TMEM117: variants seen among roughly 807,000 people sequenced by gnomAD.
TMEM117 encodes the protein transmembrane protein 117.
A neutral mutation model predicts 52.4 loss-of-function variants in TMEM117; 27 were observed. The ratio of observed to expected loss-of-function variants is 0.51; its 90% CI spans 0.38 to 0.71. The LOEUF is 0.71. Ranked by LOEUF, TMEM117 falls within the 30% of genes least tolerant of loss-of-function variation. The probability of loss-of-function intolerance (pLI) is 0.00; values close to 1 mark genes in which losing one functional copy is unlikely to be tolerated. For missense variants in TMEM117, 556 were observed against 630.5 expected, an observed-to-expected ratio of 0.88 and a Z score of 1.26; for synonymous variants, 215 against 206.3, an observed-to-expected ratio of 1.04 and a Z score of -0.36.
chr12:44,383,735 G>T (rs956771405), intron 7 of TMEM117, among the ~76,000 whole-genome samples: 1 of 151,962 alleles, frequency 6.6e-6, no homozygotes, highest in Non-Finnish European at 1.5e-5. Flanking sequence ...TTGGGAAAAT[G>T]GCTATAGAAG....
At chr12:43,918,660 A>T (rs958931918) in intron 2 of TMEM117, among the ~76,000 whole-genome samples, 6 of 152,204 alleles carry the variant, frequency 3.9e-5, no homozygotes, top group African/African-American at 1.2e-4. Flanking sequence ...TCCTTCGTAC[A>T]GACGCTTCCA....
At chr12:44,073,004 C>T (rs530404974) in intron 3 of TMEM117, among the ~76,000 whole-genome samples, 3 of 151,952 alleles carry the variant, frequency 2.0e-5, no homozygotes, top group Non-Finnish European at 2.9e-5. Context: ...GCAGGAGAAT[C>T]GTTTGAACCC....
Position 43,953,268 on chromosome 12 carries a change from A to G in TMEM117, c.410+8926A>G, listed in dbSNP as rs1945253758. Among the ~76,000 whole-genome samples the G allele has an allele frequency of 2.6e-5, 4 of 152,182 alleles. No individual in the cohort carries two copies. In the South Asian group the frequency reaches 8.3e-4, roughly 32 times the overall value. ...AAGTCTGCAAAATTAACCAGCCACCATCATGATGACAGGATCAAATTCATA... is the reference window on the plus strand; with the variant it reads ...AAGTCTGCAAAATTAACCAGCCACCGTCATGATGACAGGATCAAATTCATA... On this transcript the variant is annotated intron_variant, in intron 3 of 7. Transcript: ENST00000266534.
chr12:43,877,475 A>G (rs1307296716), intron 2 of TMEM117, among the ~76,000 whole-genome samples: 1 of 151,846 alleles, frequency 6.6e-6, no homozygotes, highest in South Asian at 2.1e-4. Context: ...CTCTACTAAA[A>G]ATACAAAAAA....
At chr12:44,102,261 C>T (rs113939003) in intron 3 of TMEM117, among the ~76,000 whole-genome samples, 3 of 152,102 alleles carry the variant, frequency 2.0e-5, no homozygotes, top group African/African-American at 7.2e-5. Flanking sequence ...ACATTTCCCA[C>T]ATTAAGGGAA....
At chr12:43,995,420 T>C (rs1946012218) in intron 3 of TMEM117, among the ~76,000 whole-genome samples, 1 of 152,218 alleles carries the variant, frequency 6.6e-6, no homozygotes, top group East Asian at 1.9e-4. Context: ...GATGCCTTAG[T>C]GTTTACACAG....
intron 2 of TMEM117, among the ~76,000 whole-genome samples, chr12:43,875,313 G>A (rs1478754691): frequency 6.6e-6 from 1 of 152,054 alleles, no homozygotes; most frequent in Non-Finnish European, 1.5e-5. Flanking sequence ...CTAAAGGTGT[G>A]CCGGGAGCCA....
At chr12:43,811,033 A>C in the TMEM117 span, among the ~76,000 whole-genome samples, 12 of 152,220 alleles carry the variant, frequency 7.9e-5, no homozygotes, top group Non-Finnish European at 1.5e-5. Flanking sequence ...GTAATGCTTT[A>C]ATGATAGTTT....
rs147199016 is a variant in TMEM117 at position 44,126,398 on chromosome 12, C to T, written c.411-17127C>T. On this transcript the variant is annotated intron_variant, in intron 3 of 7. Coordinates refer to ENST00000266534, the MANE Select transcript of TMEM117 (RefSeq NM_032256.3). ...TTCCAATTCTTCTTCACTCATTTAA[C>T]TCTATAAGGTGGAATTTCTCTCCCT... 2.2e-3 allele frequency among the ~76,000 whole-genome samples: 341 copies of T among 152,296 alleles called. 1 individual carries two copies. Among genetic ancestry groups the T allele is most frequent in the Admixed American group, 2.7e-3 (41 of 15,302 alleles).
chr12:44,330,741 T>G (rs1044404121), intron 6 of TMEM117, among the ~76,000 whole-genome samples: 29 of 152,006 alleles, frequency 1.9e-4, no homozygotes, highest in Admixed American at 1.8e-3. Flanking sequence ...AATGATCATA[T>G]GTGATTTGCA....
At chr12:43,973,726 A>G (rs1945628306) in intron 3 of TMEM117, among the ~76,000 whole-genome samples, 6 of 152,194 alleles carry the variant, frequency 3.9e-5, no homozygotes, top group Admixed American at 3.9e-4. Flanking sequence ...TGCTACAGCA[A>G]TTTGGGGTTC....
chr12:44,360,497 G>T (rs536611714), intron 6 of TMEM117, among the ~76,000 whole-genome samples: 1 of 151,646 alleles, frequency 6.6e-6, no homozygotes, highest in African/African-American at 2.4e-5. Context: ...AACTCCAGGG[G>T]TGAAGGTTGC....
chr12:44,241,270 A>G (rs1302608004), intron 5 of TMEM117, among the ~76,000 whole-genome samples: 2 of 151,320 alleles, frequency 1.3e-5, no homozygotes, highest in African/African-American at 4.9e-5. Flanking sequence ...AATTGTATCC[A>G]CAGATGTGGA....
intron 2 of TMEM117, among the ~76,000 whole-genome samples, chr12:43,884,973 C>T (rs892545379): frequency 7.9e-5 from 12 of 152,192 alleles, no homozygotes; most frequent in Non-Finnish European, 8.8e-5. Flanking sequence ...GCCCATGGCA[C>T]GCTCGCAACG....
intron 5 of TMEM117, among the ~76,000 whole-genome samples, chr12:44,253,022 TCTAA>T (rs1013129377): frequency 1.3e-5 from 2 of 152,194 alleles, no homozygotes; most frequent in African/African-American, 4.8e-5. Flanking sequence ...AAAGCAACCC[TCTAA>T]CTAAGAAATA....
intron 7 of TMEM117, among the ~76,000 whole-genome samples, chr12:44,384,681 C>T (rs1952064795): frequency 6.6e-6 from 1 of 152,076 alleles, no homozygotes. Flanking sequence ...TTTAGTAATG[C>T]ATACTGTTTT....
chr12:44,372,405 A>G (rs1469040636), intron 6 of TMEM117, among the ~76,000 whole-genome samples: 2 of 152,186 alleles, frequency 1.3e-5, no homozygotes, highest in Non-Finnish European at 2.9e-5. Flanking sequence ...AAAACTGGCT[A>G]TACATCCATA....
intron 2 of TMEM117, among the ~76,000 whole-genome samples, chr12:43,858,728 C>A (rs1049756246): frequency 6.6e-6 from 1 of 152,268 alleles, no homozygotes; most frequent in Non-Finnish European, 1.5e-5. Flanking sequence ...TACACACAAA[C>A]CTGAGAGAGT....
intron 1 of TMEM117, among the ~76,000 whole-genome samples, chr12:43,843,928 A>G (rs1943156487): frequency 6.6e-6 from 1 of 152,264 alleles, no homozygotes; most frequent in Non-Finnish European, 1.5e-5. Flanking sequence ...ATTACACCAA[A>G]TTCATAAGCA....
Sources: gnomAD v4.1 joint callset for allele counts (sites outside exome capture counted in the v4.1 genomes callset) on GRCh38, gnomAD v4.1.1 for gene constraint, MANE v1.5 for transcripts, NCBI Gene and HGNC (gene_info 2026-07-23, HGNC 2026-07-21) for gene names.